Variants in PDGFC observed in about 807,000 individuals in gnomAD.
The protein encoded by PDGFC is platelet derived growth factor C.
Under a neutral mutation model 35.5 loss-of-function variants are expected in PDGFC, and 12 were observed. The ratio of observed to expected loss-of-function variants is 0.34; its 90% CI spans 0.22 to 0.55. PDGFC has a LOEUF of 0.55. Among genes scored for constraint, PDGFC ranks in the 20% least tolerant of loss-of-function variants. PDGFC has a pLI of 0.91. For missense variants in PDGFC, 322 were observed against 412.4 expected (o/e 0.78, Z 1.90); for synonymous variants, 159 against 148.8 (o/e 1.07, Z -0.50).
chr4:156,881,784 C>T (rs957072784), intron 1 of PDGFC, among the ~76,000 whole-genome samples: 4 of 149,584 alleles, frequency 2.7e-5, no homozygotes, highest in African/African-American at 5.0e-5. Context: ...GAGCCAAGAT[C>T]GCACCACTGC....
At chr4:156,782,229 A>C (rs1272417645) in intron 3 of PDGFC, among the ~76,000 whole-genome samples, 1 of 152,200 alleles carries the variant, frequency 6.6e-6, no homozygotes, top group African/African-American at 2.4e-5. Context: ...AAGAACTTAA[A>C]AAATAAGCAT....
At chr4:156,828,403 C>T (rs1458091342) in intron 2 of PDGFC, among the ~76,000 whole-genome samples, 2 of 152,092 alleles carry the variant, frequency 1.3e-5, no homozygotes, top group Non-Finnish European at 1.5e-5. Flanking sequence ...GCATCAAGAC[C>T]GTGCTTAATA....
intron 3 of PDGFC, among the ~76,000 whole-genome samples, chr4:156,787,474 A>T (rs1399581451): frequency 1.3e-5 from 2 of 152,226 alleles, no homozygotes; most frequent in African/African-American, 4.8e-5. Flanking sequence ...GAGAATAAAA[A>T]GAGGGCAGTG....
At chr4:156,903,104 A>AGAGAGTGTGT (rs368483475) in intron 1 of PDGFC, among the ~76,000 whole-genome samples, 91 of 130,744 alleles carry the variant, frequency 7.0e-4, no homozygotes, top group East Asian at 1.8e-3. Flanking sequence ...AGAGAGAGAG[A>AGAGAGTGTGT]GTGTGTGTGT....
intron 3 of PDGFC, among the ~76,000 whole-genome samples, chr4:156,785,164 G>A (rs1295348999): frequency 6.6e-6 from 1 of 152,158 alleles, no homozygotes; most frequent in African/African-American, 2.4e-5. Flanking sequence ...TGCATAGGCA[G>A]AGACTAAGGA....
At chr4:156,937,050 C>T (rs971568816) in intron 1 of PDGFC, among the ~76,000 whole-genome samples, 3 of 152,040 alleles carry the variant, frequency 2.0e-5, no homozygotes, top group Non-Finnish European at 4.4e-5. Context: ...GGAACATCCA[C>T]GTAGACAGCA....
At chr4:156,840,731 A>C (rs991776972) in intron 2 of PDGFC, among the ~76,000 whole-genome samples, 2 of 152,200 alleles carry the variant, frequency 1.3e-5, no homozygotes, top group Non-Finnish European at 2.9e-5. Flanking sequence ...TGTACCCTGC[A>C]AAGCCACAGG....
intron 1 of PDGFC, among the ~76,000 whole-genome samples, chr4:156,892,682 T>C (rs1730541871): frequency 6.6e-6 from 1 of 152,216 alleles, no homozygotes; most frequent in Admixed American, 6.5e-5. Flanking sequence ...CATGCCTTAC[T>C]AGAGGAATTC....
intron 2 of PDGFC, among the ~76,000 whole-genome samples, chr4:156,843,010 C>A (rs758808910): frequency 4.6e-5 from 7 of 152,186 alleles, no homozygotes; most frequent in Non-Finnish European, 1.0e-4. Context: ...CTACAACACA[C>A]CCTCCTCTTC....
At chr4:156,895,391 T>C (rs1490842963) in intron 1 of PDGFC, among the ~76,000 whole-genome samples, 1 of 152,032 alleles carries the variant, frequency 6.6e-6, no homozygotes, top group African/African-American at 2.4e-5. Context: ...TCCCAGCACT[T>C]TGGGAGGCTG....
In PDGFC at chr4:156,955,118, AG is replaced by A. The variant is rs572589714; in HGVS notation, c.118+15667del. The stretch of plus-strand genomic sequence containing the variant: ...AGAGGGAAGGCTTTATGGGGCGGAG[AG>A]GGGACCAGTCAGACAGGGCCTTAAA... On this transcript the variant is annotated intron_variant, in intron 1 of 5. Transcript: ENST00000502773. 3.6e-3 allele frequency among the ~76,000 whole-genome samples: 543 copies of A among 152,120 alleles called. 4 individuals are homozygous for A. Among genetic ancestry groups the A allele is most frequent in the African/African-American group, 0.012 (513 of 41,534 alleles).
intron 1 of PDGFC, among the ~76,000 whole-genome samples, chr4:156,897,198 ATAAG>A (rs1271581883): frequency 6.6e-6 from 1 of 152,188 alleles, no homozygotes; most frequent in Non-Finnish European, 1.5e-5. Flanking sequence ...TGACTAAAAA[ATAAG>A]TAAGTCTCAC....
intron 3 of PDGFC, among the ~76,000 whole-genome samples, chr4:156,787,514 T>C (rs1245808964): frequency 6.6e-6 from 1 of 152,138 alleles, no homozygotes; most frequent in African/African-American, 2.4e-5. Flanking sequence ...GAGCAGTTGC[T>C]GAGAAGAGAG....
chr4:156,801,161 C>A (rs1025058205), intron 3 of PDGFC, among the ~76,000 whole-genome samples: 1 of 152,106 alleles, frequency 6.6e-6, no homozygotes, highest in African/African-American at 2.4e-5. Flanking sequence ...CTTAACAGGT[C>A]CTGTGGCCCC....
At chr4:156,862,370 T>C (rs1184178663) in intron 1 of PDGFC, among the ~76,000 whole-genome samples, 1 of 152,162 alleles carries the variant, frequency 6.6e-6, no homozygotes, top group Non-Finnish European at 1.5e-5. Context: ...TAGAAAGGCA[T>C]GAGGTACCTC....
chr4:156,948,276 C>G (rs1487661836), intron 1 of PDGFC, among the ~76,000 whole-genome samples: 2 of 150,254 alleles, frequency 1.3e-5, no homozygotes, highest in African/African-American at 2.4e-5. Flanking sequence ...TGGCAGCTAT[C>G]TTCTTTCTTC....
At chr4:156,840,450 G>T (rs1256199920) in intron 2 of PDGFC, among the ~76,000 whole-genome samples, 2 of 152,220 alleles carry the variant, frequency 1.3e-5, no homozygotes, top group Admixed American at 1.3e-4. Context: ...AGACTTTAGA[G>T]GATCTATGGA....
chr4:156,805,626 T>C (rs1474605489), intron 3 of PDGFC, among the ~76,000 whole-genome samples: 4 of 152,058 alleles, frequency 2.6e-5, no homozygotes, highest in Non-Finnish European at 4.4e-5. Flanking sequence ...ATTAATATAT[T>C]TGAAGCCTTG....
chr4:156,832,258 T>C (rs1233634579), intron 2 of PDGFC, among the ~76,000 whole-genome samples: 37 of 146,614 alleles, frequency 2.5e-4, no homozygotes, highest in African/African-American at 8.8e-4. Flanking sequence ...TCTTTCTTTT[T>C]TTTTTTTTTT....
Sources: allele counts gnomAD v4.1 joint callset (sites outside exome capture counted in the v4.1 genomes callset), GRCh38; gene constraint gnomAD v4.1.1; transcripts MANE v1.5; gene names NCBI Gene and HGNC (gene_info 2026-07-23, HGNC 2026-07-21).